POTEF: variants seen among roughly 807,000 people sequenced by gnomAD.
POTEF encodes ANKRD26-like family C member 1B.
A neutral mutation model predicts 83.2 loss-of-function variants in POTEF; 20 were observed. The ratio of observed to expected loss-of-function variants is 0.24; its 90% CI spans 0.17 to 0.35. The LOEUF is 0.35. POTEF is among the 10% of genes least tolerant of loss of function. The pLI, the probability that POTEF is intolerant of heterozygous loss-of-function variation, is 1.00. For missense variants in POTEF, 550 were observed against 1,203.2 expected, an observed-to-expected ratio of 0.46 and a Z score of 8.03; for synonymous variants, 196 against 446.4, an observed-to-expected ratio of 0.44 and a Z score of 7.07.
chr2:130,110,436 C>A, intron 7 of POTEF, 107 bp downstream of exon 7: 2 of 1,581,438 alleles, frequency 1.3e-6, no homozygotes, highest in Non-Finnish European at 1.7e-6. Flanking sequence ...CACGCGAAAA[C>A]TACCTGAACC....
Position 130,122,917 on chromosome 2 carries a change from G to T in POTEF, c.-93-2309C>A, listed in dbSNP as rs550028577. Among the ~76,000 whole-genome samples, 85 of 150,522 alleles carry T rather than the reference G, an allele frequency of 5.6e-4. 1 individual carries two copies. The highest frequency in any genetic ancestry group is 2.0e-3 in the African/African-American group (83 of 40,696). On this transcript the variant is annotated intron_variant, in intron 2 of 16. Transcript: ENST00000409914. ...ATATAGTGTTTATCAGCTGTAATGG[G>T]TTTTTTGTGGAGTCTAAAACACAGA...
chr2:130,117,845 A>C (rs1208369605), intron 3 of POTEF, among the ~76,000 whole-genome samples: 1 of 152,066 alleles, frequency 6.6e-6, no homozygotes, highest in Non-Finnish European at 1.5e-5. Flanking sequence ...TTGTTTGAAA[A>C]GCTGTAGCAA....
At chr2:130,104,346 T>C (rs1455056892) in intron 8 of POTEF, among the ~76,000 whole-genome samples, 1 of 145,792 alleles carries the variant, frequency 6.9e-6, no homozygotes, top group Non-Finnish European at 1.5e-5. Context: ...TTTAGATTTC[T>C]ATCCAGTCTT....
rs374532634 is a variant in POTEF at position 130,127,733 on chromosome 2, G to A, written c.-118C>T. 568 of 151,846 alleles carry A rather than the reference G, an allele frequency of 3.7e-3. 20 individuals carry two copies. The East Asian group carries it at 0.09, about 24-fold the overall frequency. The allele number at this position is 151,846 out of a possible 1,614,324, so 9.4% of individuals were successfully genotyped here. On this transcript the variant is annotated 5_prime_UTR_variant, in exon 2 of 17. In the 5' UTR this introduces an upstream ATG that the reference lacks. Coordinates refer to ENST00000409914, the MANE Select transcript of POTEF (RefSeq NM_001099771.2). ...CCACTCCTGTCGAGCTGCAGTCTCC[G>A]TGGCTGCCATCAGTCACACGAGGCG... is the stretch of plus-strand genomic sequence containing the variant.
At chr2:130,121,190 G>A (rs1029995033) in intron 2 of POTEF, among the ~76,000 whole-genome samples, 2 of 150,792 alleles carry the variant, frequency 1.3e-5, no homozygotes, top group Non-Finnish European at 2.9e-5. Context: ...GACACTGGCC[G>A]ATGCATGCAA....
chr2:130,083,362 A>G (rs1683943260), intron 15 of POTEF, among the ~76,000 whole-genome samples: 1 of 152,166 alleles, frequency 6.6e-6, no homozygotes, highest in African/African-American at 2.4e-5. Context: ...GAGAAAGAAG[A>G]TTGAGGACTG....
intron 3 of POTEF, among the ~76,000 whole-genome samples, chr2:130,117,569 T>C (rs1285942637): frequency 6.6e-6 from 1 of 152,066 alleles, no homozygotes; most frequent in Admixed American, 6.5e-5. Flanking sequence ...ACCGATTTTT[T>C]TTCTCACTTG....
chr2:130,086,759 AT>A (rs1437721339), intron 13 of POTEF, among the ~76,000 whole-genome samples: 2 of 1,230 alleles, frequency 1.6e-3, no homozygotes, highest in African/African-American at 0.011. Context: ...GTGTTCCAAA[AT>A]CTTCCTCACT....
intron 8 of POTEF, among the ~76,000 whole-genome samples, chr2:130,107,009 C>T (rs1432636039): frequency 2.7e-5 from 4 of 149,828 alleles, no homozygotes; most frequent in African/African-American, 5.1e-5. Context: ...ACCTAACTTA[C>T]AAAAGCTCTT....
Position 130,075,372 on chromosome 2 carries a change from G to T in POTEF, c.2100C>A (p.Thr700=). The T allele has an allele frequency of 6.2e-7, 1 of 1,612,082 alleles. No individual in the cohort carries two copies. The highest frequency in any genetic ancestry group is 8.5e-7 in the Non-Finnish European group (1 of 1,179,844). Residue 700 remains threonine, a synonymous_variant, in exon 17 of 17, where the codon ACC becomes ACA. Coordinates refer to ENST00000409914, the MANE Select transcript of POTEF (RefSeq NM_001099771.2). The stretch of plus-strand genomic sequence containing the variant: ...CGAGCACAGCGGTATCATCATCCAT[G>T]GTGAGCTCATTCAATTGTAGAGCCT... The part of the protein sequence containing the change: ...LLKALQLNEL[T]MDDDTAVLVI...
chr2:130,126,288 A>G (rs2104713387), intron 2 of POTEF, among the ~76,000 whole-genome samples: 1 of 140,344 alleles, frequency 7.1e-6, no homozygotes, highest in Non-Finnish European at 1.6e-5. Context: ...GGGCAACAAG[A>G]GCAAAACTCC....
intron 7 of POTEF, among the ~76,000 whole-genome samples, chr2:130,109,916 T>A (rs1241768290): frequency 3.3e-5 from 5 of 151,178 alleles, no homozygotes; most frequent in Non-Finnish European, 7.4e-5. Context: ...AGCATAGGTA[T>A]GGGAATTAAA....
chr2:130,102,118 G>A lies in POTEF; in HGVS notation c.1189C>T (p.Gln397Ter). ...SQRFKGSENSQPEKMSQEPEI... is the reference protein window; with the variant it reads ...SQRFKGSENS ...TTTAAAATTTTCCATGCCTCTGGCT[G>A]GCTATTTTCACTGCCTTTGAACCTT... Residue 397 changes from glutamine to a stop codon, truncating the protein, a stop_gained, in exon 9 of 17, where the codon CAG becomes TAG. Coordinates refer to ENST00000409914, the MANE Select transcript of POTEF (RefSeq NM_001099771.2). LOFTEE classifies it high-confidence loss of function. The A allele has an allele frequency of 6.2e-7, 1 of 1,607,606 alleles. No individual in the cohort carries two copies. The highest frequency in any genetic ancestry group is 8.5e-7 in the Non-Finnish European group (1 of 1,178,848).
At chr2:130,109,972 C>G (rs554283075) in intron 7 of POTEF, among the ~76,000 whole-genome samples, 1 of 151,404 alleles carries the variant, frequency 6.6e-6, no homozygotes, top group East Asian at 1.9e-4. Context: ...CTTGAGGGAT[C>G]TGAATCTACT....
At chr2:130,117,318 T>A (rs566146014) in intron 3 of POTEF, among the ~76,000 whole-genome samples, 1 of 151,894 alleles carries the variant, frequency 6.6e-6, no homozygotes, top group Non-Finnish European at 1.5e-5. Flanking sequence ...CAACCACAGA[T>A]AGAAAAATAA....
In POTEF at chr2:130,075,247, C is replaced by T. The variant is rs1379186781; in HGVS notation, c.2225G>A (p.Gly742Asp). 6.2e-7 allele frequency: 1 copy of T among 1,612,400 alleles called. No homozygotes were observed. The highest frequency in any genetic ancestry group is 8.5e-7 in the Non-Finnish European group (1 of 1,179,920). The change falls in exon 17 of 17, where the codon GGC becomes GAC. Residue 742 changes from glycine (G) to aspartate (D), a missense_variant. Gly to Asp is a moderately conservative substitution (Grantham distance 94, BLOSUM62 -1). Transcript: ENST00000409914. ...PSIVGRPRQQ[G>D]MMGGMHQKES... ...TTTCTGATGCATGCCCCCCATCATGCCCTGCTGCCTGGGGCGCCCCACGAT... is the reference window on the plus strand; with the variant it reads ...TTTCTGATGCATGCCCCCCATCATGTCCTGCTGCCTGGGGCGCCCCACGAT...
chr2:130,107,441 A>C (rs1247102094), intron 8 of POTEF, among the ~76,000 whole-genome samples: 4 of 150,938 alleles, frequency 2.7e-5, no homozygotes, highest in African/African-American at 7.4e-5. Context: ...CTATGGTAGG[A>C]CCACGCAGAG....
chr2:130,128,945 A>T (rs1454399282), intron 1 of POTEF, 127 bp downstream of exon 1: 1 of 101,950 alleles, frequency 9.8e-6, no homozygotes, highest in African/African-American at 4.3e-5. Context: ...CACCGCCAGC[A>T]ATGCAACCTC....
rs139412664 is a variant in POTEF at position 130,112,831 on chromosome 2, T to A, written c.811-730A>T. On this transcript the variant is annotated intron_variant, in intron 5 of 16. Coordinates refer to ENST00000409914, the MANE Select transcript of POTEF (RefSeq NM_001099771.2). ...TACAGCGTCAATTGACAAAAAATGGTTTAGAATTTGCTACTATTCTAATTG... is the reference window on the plus strand; with the variant it reads ...TACAGCGTCAATTGACAAAAAATGGATTAGAATTTGCTACTATTCTAATTG... Among the ~76,000 whole-genome samples, 505 of 150,900 alleles carry A rather than the reference T, an allele frequency of 3.3e-3. 5 individuals carry two copies. Among genetic ancestry groups the A allele is most frequent in the African/African-American group, 0.012 (481 of 40,452 alleles).
Sources: gnomAD v4.1 joint callset for allele counts (sites outside exome capture counted in the v4.1 genomes callset) on GRCh38, gnomAD v4.1.1 for gene constraint, MANE v1.5 for transcripts, NCBI Gene and HGNC (gene_info 2026-07-23, HGNC 2026-07-21) for gene names.